Variants in NAALADL2 observed in about 807,000 individuals in gnomAD.
The protein encoded by NAALADL2 is inactive N-acetylated-alpha-linked acidic dipeptidase-like protein 2.
In NAALADL2, 76 loss-of-function variants were observed where a neutral mutation model predicts 87.2. That is an observed-to-expected ratio of 0.87 (90% CI 0.72 to 1.05). The LOEUF (loss-of-function observed/expected upper bound fraction) is 1.05, where lower values mean the gene tolerates loss of function less well. NAALADL2 is among the 50% of genes least tolerant of loss of function. The pLI, the probability that NAALADL2 is intolerant of heterozygous loss-of-function variation, is 0.00. For missense variants in NAALADL2, 1,089 were observed against 945.8 expected (o/e 1.15, Z -1.99); for synonymous variants, 354 against 331.0 (o/e 1.07, Z -0.75).
At chr3:175,208,688 A>G (rs1180197951) in intron 2 of NAALADL2, among the ~76,000 whole-genome samples, 1 of 152,170 alleles carries the variant, frequency 6.6e-6, no homozygotes, top group Non-Finnish European at 1.5e-5. Flanking sequence ...TCCACTAAGC[A>G]TACACTGATC....
At chr3:174,446,158 T>G (rs754931128) in intron 1 of NAALADL2, among the ~76,000 whole-genome samples, 14 of 152,144 alleles carry the variant, frequency 9.2e-5, no homozygotes, top group Non-Finnish European at 2.1e-4. Context: ...TCTAAAAAAT[T>G]AGACTTTCAT....
At chr3:174,464,019 C>T (rs1248671362) in intron 1 of NAALADL2, among the ~76,000 whole-genome samples, 1 of 152,078 alleles carries the variant, frequency 6.6e-6, no homozygotes, top group Non-Finnish European at 1.5e-5. Context: ...TACACTGAAT[C>T]ACTGGAAGTT....
intron 2 of NAALADL2, among the ~76,000 whole-genome samples, chr3:174,701,537 T>A (rs1168433302): frequency 1.3e-5 from 2 of 152,182 alleles, no homozygotes; most frequent in African/African-American, 4.8e-5. Flanking sequence ...TGTGAATTCA[T>A]CATTACAATG....
In NAALADL2 at chr3:175,698,483, T is replaced by TTTTATATATATATATATATATATA. The variant is rs1398396262; in HGVS notation, c.1897-38822_1897-38821insTTATATATATATATATATATATAT. On this transcript the variant is annotated intron_variant, in intron 11 of 13. Coordinates refer to ENST00000454872, the MANE Select transcript of NAALADL2 (RefSeq NM_207015.3). ...TGTGTATATATGTGTGTATATATAT[T>TTTTATATATATATATATATATATA]TATATATATATATATATATAAAATC... Among the ~76,000 whole-genome samples the TTTTATATATATATATATATATATA allele has an allele frequency of 8.9e-4, 60 of 67,734 alleles. 1 individual carries two copies. Among genetic ancestry groups the TTTTATATATATATATATATATATA allele is most frequent in the African/African-American group, 5.3e-3 (59 of 11,052 alleles). 44.4% of individuals were successfully genotyped at this position (67,734 alleles called of 152,430 possible).
At chr3:174,753,106 T>C (rs1330147751) in intron 3 of NAALADL2, among the ~76,000 whole-genome samples, 1 of 152,198 alleles carries the variant, frequency 6.6e-6, no homozygotes, top group Non-Finnish European at 1.5e-5. Context: ...TTTGCTTTCT[T>C]TCTTTCTTTT....
chr3:175,148,168 C>T (rs373974105), intron 2 of NAALADL2, among the ~76,000 whole-genome samples: 1 of 149,976 alleles, frequency 6.7e-6, no homozygotes. Flanking sequence ...AATGCTATCT[C>T]ATTGTGGTTT....
At chr3:174,918,928 A>T (rs368842976) in intron 1 of NAALADL2, among the ~76,000 whole-genome samples, 12 of 152,144 alleles carry the variant, frequency 7.9e-5, no homozygotes, top group African/African-American at 2.9e-4. Flanking sequence ...CGGGACCACT[A>T]GAATAAAGCA....
At chr3:175,043,495 C>T (rs190429293) in intron 1 of NAALADL2, among the ~76,000 whole-genome samples, 19 of 152,244 alleles carry the variant, frequency 1.2e-4, no homozygotes, top group African/African-American at 4.3e-4. Context: ...CCTCAGTCTC[C>T]CAAAGTGCTG....
At chr3:175,572,847 G>C (rs1275995151) in intron 9 of NAALADL2, among the ~76,000 whole-genome samples, 5 of 151,346 alleles carry the variant, frequency 3.3e-5, no homozygotes, top group Non-Finnish European at 7.4e-5. Context: ...CTTAAACCCA[G>C]AAGGTCAAGC....
At chr3:175,508,869 A>G (rs950275009) in intron 9 of NAALADL2, among the ~76,000 whole-genome samples, 1 of 152,092 alleles carries the variant, frequency 6.6e-6, no homozygotes, top group Non-Finnish European at 1.5e-5. Context: ...TAATCCCAGC[A>G]CTTTGGGAGG....
intron 1 of NAALADL2, among the ~76,000 whole-genome samples, chr3:174,479,071 C>T (rs565852158): frequency 7.2e-4 from 110 of 152,278 alleles, no homozygotes; most frequent in African/African-American, 2.5e-3. Context: ...ATACTCTCTA[C>T]ACTTGTACTG....
intron 2 of NAALADL2, among the ~76,000 whole-genome samples, chr3:175,116,062 A>G (rs866500857): frequency 1.1e-4 from 16 of 152,122 alleles, no homozygotes; most frequent in South Asian, 2.1e-4. Flanking sequence ...TCAATAAACT[A>G]GGTATTGATG....
At chr3:174,850,393 A>G (rs1469426729) in intron 3 of NAALADL2, among the ~76,000 whole-genome samples, 2 of 152,174 alleles carry the variant, frequency 1.3e-5, no homozygotes, top group Non-Finnish European at 2.9e-5. Context: ...CACCTCACAT[A>G]TAAAGACACA....
At chr3:174,876,961 A>G (rs551790536) in intron 1 of NAALADL2, among the ~76,000 whole-genome samples, 28 of 152,206 alleles carry the variant, frequency 1.8e-4, no homozygotes, top group East Asian at 3.9e-4. Flanking sequence ...CAGATGGCCA[A>G]CTTCTTGCAT....
chr3:175,707,262 T>A (rs1739845169), intron 11 of NAALADL2, among the ~76,000 whole-genome samples: 1 of 152,162 alleles, frequency 6.6e-6, no homozygotes, highest in African/African-American at 2.4e-5. Flanking sequence ...AATATGACAC[T>A]GAATAGACAT....
At chr3:174,969,492 T>C (rs1372041594) in intron 1 of NAALADL2, among the ~76,000 whole-genome samples, 2 of 152,242 alleles carry the variant, frequency 1.3e-5, no homozygotes, top group East Asian at 3.8e-4. Flanking sequence ...TAAATAATTT[T>C]GTGAATTAAT....
At chr3:175,592,209 G>C (rs1721585031) in intron 10 of NAALADL2, among the ~76,000 whole-genome samples, 1 of 151,904 alleles carries the variant, frequency 6.6e-6, no homozygotes, top group African/African-American at 2.4e-5. Flanking sequence ...TCCTTACACA[G>C]GACATAGCCA....
chr3:174,485,777 T>C (rs1362964908), intron 1 of NAALADL2, among the ~76,000 whole-genome samples: 1 of 152,042 alleles, frequency 6.6e-6, no homozygotes, highest in Non-Finnish European at 1.5e-5. Flanking sequence ...CATGTGTTCA[T>C]GAAATAATGC....
intron 3 of NAALADL2, among the ~76,000 whole-genome samples, chr3:174,805,873 ATTATC>A (rs1719413281): frequency 4.7e-5 from 7 of 149,192 alleles, no homozygotes. Flanking sequence ...TTTAGCATAA[ATTATC>A]TACAAGGCTT....
Sources: gnomAD v4.1 joint callset for allele counts (sites outside exome capture counted in the v4.1 genomes callset) on GRCh38, gnomAD v4.1.1 for gene constraint, MANE v1.5 for transcripts, NCBI Gene and HGNC (gene_info 2026-07-23, HGNC 2026-07-21) for gene names.